Variants in ANKS1B observed in about 807,000 individuals in gnomAD.
ANKS1B encodes ankyrin repeat and sterile alpha motif domain containing 1B.
In ANKS1B, 36 loss-of-function variants were observed where a neutral mutation model predicts 148.3. That is an observed-to-expected ratio of 0.24 (90% CI 0.19 to 0.32). The LOEUF is 0.32. Among genes scored for constraint, ANKS1B ranks in the 10% least tolerant of loss-of-function variants. ANKS1B has a pLI of 1.00. For synonymous variants in ANKS1B, 542 were observed against 560.8 expected (o/e 0.97, Z 0.47); for missense variants, 1,157 against 1,542.6 (o/e 0.75, Z 4.19).
chr12:99,845,183 T>C (rs539599450), intron 1 of ANKS1B, among the ~76,000 whole-genome samples: 2 of 152,288 alleles, frequency 1.3e-5, no homozygotes, highest in East Asian at 3.9e-4. Flanking sequence ...CAAACAAAGA[T>C]AGATTGACTT....
intron 16 of ANKS1B, among the ~76,000 whole-genome samples, chr12:99,083,276 A>AC (rs576426571): frequency 1.1e-3 from 161 of 152,272 alleles, no homozygotes; most frequent in African/African-American, 3.5e-3. Flanking sequence ...AGGATAGGAG[A>AC]GTACAAAACC....
At chr12:98,964,098 CA>C (rs111718060) in intron 17 of ANKS1B, among the ~76,000 whole-genome samples, 73 of 141,624 alleles carry the variant, frequency 5.2e-4, no homozygotes, top group South Asian at 1.1e-3. Flanking sequence ...AACTCCGCCT[CA>C]AAAAAAAAAA....
intron 17 of ANKS1B, among the ~76,000 whole-genome samples, chr12:98,912,633 C>T (rs2099788351): frequency 6.6e-6 from 1 of 152,190 alleles, no homozygotes. Context: ...GCATATAGAA[C>T]TGTTGCTTAA....
chr12:99,735,738 G>T (rs2059553149), intron 8 of ANKS1B, among the ~76,000 whole-genome samples: 1 of 148,796 alleles, frequency 6.7e-6, no homozygotes, highest in African/African-American at 2.5e-5. Context: ...TAAAGAGGAG[G>T]GAGTTCTCCC....
intron 10 of ANKS1B, among the ~76,000 whole-genome samples, chr12:99,467,220 C>A (rs1034229296): frequency 2.0e-5 from 3 of 152,106 alleles, no homozygotes; most frequent in Non-Finnish European, 4.4e-5. Context: ...GCAGAAAAGG[C>A]CTTTGACAAA....
intron 12 of ANKS1B, among the ~76,000 whole-genome samples, chr12:99,316,751 A>C (rs1442307092): frequency 6.6e-6 from 1 of 152,186 alleles, no homozygotes; most frequent in Non-Finnish European, 1.5e-5. Context: ...GCCCATGCCT[A>C]TGGCCTGAAT....
intron 11 of ANKS1B, among the ~76,000 whole-genome samples, chr12:99,403,641 T>C (rs1426481895): frequency 6.9e-6 from 1 of 145,560 alleles, no homozygotes; most frequent in Admixed American, 6.8e-5. Flanking sequence ...TTAGTTTTAC[T>C]AGATTTCATT....
At chr12:99,776,155 T>A (rs1278931360) in intron 6 of ANKS1B, among the ~76,000 whole-genome samples, 1 of 152,216 alleles carries the variant, frequency 6.6e-6, no homozygotes, top group Non-Finnish European at 1.5e-5. Flanking sequence ...AACATAAGCA[T>A]AATTTGCATA....
chr12:99,380,736 G>C (rs923661605), intron 12 of ANKS1B, among the ~76,000 whole-genome samples: 2 of 147,814 alleles, frequency 1.4e-5, no homozygotes, highest in African/African-American at 2.5e-5. Context: ...ATTAATTCTT[G>C]TTGATCAGTT....
chr12:99,302,936 C>T (rs1195766890), intron 12 of ANKS1B, among the ~76,000 whole-genome samples: 1 of 152,042 alleles, frequency 6.6e-6, no homozygotes, highest in Non-Finnish European at 1.5e-5. Flanking sequence ...AATCTAGTGC[C>T]ATGAGAAGTC....
chr12:99,062,251 G>A (rs1031315149), intron 16 of ANKS1B, among the ~76,000 whole-genome samples: 2 of 152,178 alleles, frequency 1.3e-5, no homozygotes, highest in African/African-American at 4.8e-5. Flanking sequence ...ATCTATCGCT[G>A]AGCGTTGCCA....
At chr12:99,218,719 A>T (rs1369887166) in intron 14 of ANKS1B, among the ~76,000 whole-genome samples, 2 of 152,188 alleles carry the variant, frequency 1.3e-5, no homozygotes, top group Non-Finnish European at 2.9e-5. Context: ...CCTCCATTTC[A>T]TGGTCTGTAA....
intron 10 of ANKS1B, among the ~76,000 whole-genome samples, chr12:99,482,661 T>G (rs1302778705): frequency 6.6e-6 from 1 of 152,040 alleles, no homozygotes; most frequent in East Asian, 1.9e-4. Context: ...AGTTTTCATT[T>G]GTTTGTGTCA....
At chr12:99,825,084 G>C (rs1359665715) in intron 2 of ANKS1B, among the ~76,000 whole-genome samples, 3 of 152,138 alleles carry the variant, frequency 2.0e-5, no homozygotes, top group Admixed American at 1.3e-4. Flanking sequence ...CAGTGTGATA[G>C]GTTGAGTATT....
chr12:99,135,939 G>A (rs532950075), intron 15 of ANKS1B, among the ~76,000 whole-genome samples: 46 of 152,218 alleles, frequency 3.0e-4, no homozygotes, highest in Admixed American at 2.6e-3. Flanking sequence ...GAACAGCCCA[G>A]CTTCGGACAG....
At chr12:99,415,647 C>A (rs995623722) in intron 11 of ANKS1B, among the ~76,000 whole-genome samples, 1 of 152,136 alleles carries the variant, frequency 6.6e-6, no homozygotes, top group African/African-American at 2.4e-5. Flanking sequence ...GTAAAAAGGA[C>A]AAGAAACAGA....
intron 1 of ANKS1B, among the ~76,000 whole-genome samples, chr12:99,910,673 A>C (rs1018869009): frequency 1.8e-4 from 28 of 152,094 alleles, no homozygotes; most frequent in Admixed American, 1.3e-3. Context: ...AAACCATCCA[A>C]TTAAAAACTT....
In ANKS1B at chr12:99,143,606, A is replaced by T. The variant is rs189140331; in HGVS notation, c.2526+10683T>A. Among the ~76,000 whole-genome samples the T allele has an allele frequency of 1.1e-4, 16 of 152,254 alleles. No homozygotes were observed. In the East Asian group the frequency reaches 2.3e-3, roughly 22 times the overall value. On this transcript the variant is annotated intron_variant, in intron 15 of 26. Coordinates refer to ENST00000683438, the MANE Select transcript of ANKS1B (RefSeq NM_001352186.2). ...AAGATAGATCATGTCTTCCATGATCACTGCTACTGTTTGATGTGGTGTCTC... is the reference window on the plus strand; with the variant it reads ...AAGATAGATCATGTCTTCCATGATCTCTGCTACTGTTTGATGTGGTGTCTC...
intron 10 of ANKS1B, among the ~76,000 whole-genome samples, chr12:99,485,560 G>GAAGTTTTCCTCAATTATTCCCTCAAAT (rs1474680405): frequency 4.6e-5 from 7 of 152,156 alleles, no homozygotes; most frequent in African/African-American, 1.4e-4. Context: ...CTAGACCAGG[G>GAAGTTTTCCTCAATTATTCCCTCAAAT]AAGTTTTCCT....
Sources: allele counts gnomAD v4.1 joint callset (sites outside exome capture counted in the v4.1 genomes callset), GRCh38; gene constraint gnomAD v4.1.1; transcripts MANE v1.5; gene names NCBI Gene and HGNC (gene_info 2026-07-23, HGNC 2026-07-21).